The following ZRANB3 variants were observed in gnomAD, a reference collection of about 807,000 sequenced individuals.
The protein encoded by ZRANB3 is zinc finger RANBP2-type containing 3, also known as DNA annealing helicase and endonuclease ZRANB3.
In ZRANB3, 125 loss-of-function variants were observed where a neutral mutation model predicts 133.8. The observed-to-expected ratio is 0.93, with a 90% CI of 0.81 to 1.08. ZRANB3 has a LOEUF of 1.08. ZRANB3 is among the 50% of genes least tolerant of loss of function. ZRANB3 has a pLI of 0.00. For synonymous variants in ZRANB3, 387 were observed against 432.7 expected (o/e 0.89, Z 1.31); for missense variants, 1,229 against 1,275.5 (o/e 0.96, Z 0.56).
At chr2:135,480,248 T>A (rs1246431794) in intron 2 of ZRANB3, among the ~76,000 whole-genome samples, 1 of 152,124 alleles carries the variant, frequency 6.6e-6, no homozygotes, top group East Asian at 1.9e-4. Context: ...GGCCTCATAC[T>A]TTCACTTAAT....
At chr2:135,324,917 T>G (rs1683736251) in intron 6 of ZRANB3, among the ~76,000 whole-genome samples, 1 of 152,214 alleles carries the variant, frequency 6.6e-6, no homozygotes, top group African/African-American at 2.4e-5. Flanking sequence ...GCCCACTTGT[T>G]GATGGGGTTG....
At chr2:135,511,095 C>T (rs1030455095) in intron 1 of ZRANB3, 1 of 769,464 alleles carries the variant, frequency 1.3e-6, no homozygotes, top group Non-Finnish European at 2.4e-6. Flanking sequence ...AGACTCTGTA[C>T]AGGGCTGTGA....
intron 12 of ZRANB3, among the ~76,000 whole-genome samples, chr2:135,236,392 C>T (rs1391288582): frequency 6.6e-6 from 1 of 151,962 alleles, no homozygotes; most frequent in Admixed American, 6.6e-5. Context: ...CAATGCCATC[C>T]CCATCAAGCT....
intron 4 of ZRANB3, among the ~76,000 whole-genome samples, chr2:135,351,033 A>C (rs533038854): frequency 6.6e-6 from 1 of 152,312 alleles, no homozygotes; most frequent in East Asian, 1.9e-4. Context: ...CAGTGCTATG[A>C]TCCCAAATAA....
chr2:135,511,600 G>T, intron 1 of ZRANB3: 2 of 833,886 alleles, frequency 2.4e-6, no homozygotes, highest in Admixed American at 1.7e-5. Flanking sequence ...CCCCTCAGGA[G>T]CAAGTACGAA....
chr2:135,359,021 C>T (rs1015867935), intron 3 of ZRANB3, among the ~76,000 whole-genome samples: 1 of 151,814 alleles, frequency 6.6e-6, no homozygotes, highest in African/African-American at 2.4e-5. Context: ...GGAGCCTGCC[C>T]TCCTCATCCC....
intron 20 of ZRANB3, among the ~76,000 whole-genome samples, chr2:135,201,313 A>G (rs989985447): frequency 3.9e-5 from 6 of 152,082 alleles, no homozygotes; most frequent in East Asian, 1.9e-4. Flanking sequence ...TTTTTTCCCA[A>G]TTGAAGTCCA....
rs748948164 is a variant in ZRANB3, at chr2:135,219,106, T to C, written c.2323A>G (p.Ser775Gly). ...GAGCGATATTGTTTCAGCTGAAAGC[T>C]TGCTGGTAAATCTTCCCAAAGGTCT... ...KLDLWEDLPA[S>G]FQLKQYRSLI... is the part of the protein sequence containing the mutation. The change falls in exon 16 of 21, where the codon AGC (serine) becomes GGC (glycine). Residue 775 changes from serine to glycine, a missense_variant. Physicochemically the swap from Ser to Gly is moderately conservative, Grantham distance 56. Transcript: ENST00000264159. 1.6e-5 allele frequency: 25 copies of C among 1,528,832 alleles called. No homozygotes were observed. The highest frequency in any genetic ancestry group is 1.9e-5 in the Non-Finnish European group (22 of 1,143,230). 94.7% of individuals were successfully genotyped at this position (1,528,832 alleles called of 1,614,324 possible).
At chr2:135,246,607 C>T (rs1281043311) in intron 12 of ZRANB3, among the ~76,000 whole-genome samples, 3 of 152,130 alleles carry the variant, frequency 2.0e-5, no homozygotes, top group Non-Finnish European at 4.4e-5. Context: ...ATTTTTATCA[C>T]AAAGCTTATG....
rs377465491 is a variant in ZRANB3, at chr2:135,485,144, CAAACAAAACAAAACA to C, written c.161+19170_161+19184del. Among the ~76,000 whole-genome samples the C allele has an allele frequency of 8.7e-3, 1,295 of 148,850 alleles. 14 individuals are homozygous for C. The highest frequency in any genetic ancestry group is 0.031 in the African/African-American group (1,214 of 39,690). The stretch of plus-strand genomic sequence containing the variant: ...TACATCTCAGAGAAACAAAACAAAA[CAAACAAAACAAAACA>C]AAACAAAACAAAACAAAACAAAACA... On this transcript the variant is annotated intron_variant, in intron 2 of 20. Transcript: ENST00000264159.
intron 2 of ZRANB3, among the ~76,000 whole-genome samples, chr2:135,478,691 T>C (rs1691616431): frequency 6.6e-6 from 1 of 152,100 alleles, no homozygotes; most frequent in African/African-American, 2.4e-5. Context: ...TTTTAAGTTT[T>C]CCACTATGTG....
intron 2 of ZRANB3, among the ~76,000 whole-genome samples, chr2:135,500,656 A>C (rs1184520132): frequency 6.6e-6 from 1 of 151,770 alleles, no homozygotes. Context: ...TGATGCTGGC[A>C]ATGTTCTATT....
At chr2:135,522,044 C>A (rs376975478) in intron 1 of ZRANB3, among the ~76,000 whole-genome samples, 3 of 152,136 alleles carry the variant, frequency 2.0e-5, no homozygotes, top group African/African-American at 7.2e-5. Flanking sequence ...ACAGGTTGCT[C>A]AGGGAAATAA....
chr2:135,509,580 A>G (rs1693348194), intron 1 of ZRANB3, among the ~76,000 whole-genome samples: 1 of 152,160 alleles, frequency 6.6e-6, no homozygotes, highest in South Asian at 2.1e-4. Context: ...GATAAACAGA[A>G]GGCACAACAG....
chr2:135,390,754 C>T, intron 3 of ZRANB3, 48 bp downstream of exon 3: 2 of 1,496,456 alleles, frequency 1.3e-6, no homozygotes, highest in Admixed American at 2.0e-5. Context: ...ACACTAAAAA[C>T]AAGCTGTGTA....
intron 3 of ZRANB3, among the ~76,000 whole-genome samples, chr2:135,360,213 T>C (rs191677456): frequency 3.3e-5 from 5 of 151,336 alleles, no homozygotes; most frequent in Admixed American, 2.6e-4. Flanking sequence ...ACCCCGTCTC[T>C]ATGAAAAATA....
At chr2:135,349,949 CTTCTT>C (rs757735632) in intron 5 of ZRANB3, 30 bp downstream of exon 5, 25 of 1,594,834 alleles carry the variant, frequency 1.6e-5, no homozygotes, top group East Asian at 4.5e-5. Context: ...CCCCCCTTCT[CTTCTT>C]TTAAGTTCGA....
chr2:135,520,258 G>A (rs1212329184), intron 1 of ZRANB3, among the ~76,000 whole-genome samples: 1 of 151,874 alleles, frequency 6.6e-6, no homozygotes, highest in East Asian at 1.9e-4. Context: ...GGGCATGGTG[G>A]CAGGTGCCTT....
rs923662601 is a variant in ZRANB3 at position 135,341,119 on chromosome 2, C to T, written c.677+4431G>A. On this transcript the variant is annotated intron_variant, in intron 6 of 20. Transcript: ENST00000264159. Reference sequence around the variant, plus strand: ...TCGGCTCACTGAAAGCTCCACCTCCCGGGTTCACGCCACTCTCCTGCCTCA... The same window carrying T: ...TCGGCTCACTGAAAGCTCCACCTCCTGGGTTCACGCCACTCTCCTGCCTCA... Among the ~76,000 whole-genome samples the T allele has an allele frequency of 8.7e-5, 13 of 149,662 alleles. 2 individuals carry two copies. Among genetic ancestry groups the T allele is most frequent in the African/African-American group, 2.0e-4 (8 of 39,112 alleles).
Sources: gnomAD v4.1 joint callset for allele counts (sites outside exome capture counted in the v4.1 genomes callset) on GRCh38, gnomAD v4.1.1 for gene constraint, MANE v1.5 for transcripts, NCBI Gene and HGNC (gene_info 2026-07-23, HGNC 2026-07-21) for gene names.